The following CNTN5 variants were observed in gnomAD, a reference collection of about 807,000 sequenced individuals.
The protein encoded by CNTN5 is contactin 5.
Under a neutral mutation model 129.1 loss-of-function variants are expected in CNTN5, and 77 were observed. The observed-to-expected ratio is 0.60, with a 90% CI of 0.50 to 0.72. The LOEUF is 0.72. Among genes scored for constraint, CNTN5 ranks in the 30% least tolerant of loss-of-function variants. The probability of loss-of-function intolerance (pLI) is 0.00; values close to 1 mark genes in which losing one functional copy is unlikely to be tolerated. For synonymous variants in CNTN5, 509 were observed against 465.6 expected (o/e 1.09, Z -1.20); for missense variants, 1,478 against 1,328.8 (o/e 1.11, Z -1.75).
chr11:99,128,426 G>C (rs1373353685), intron 1 of CNTN5, among the ~76,000 whole-genome samples: 2 of 151,986 alleles, frequency 1.3e-5, no homozygotes, highest in African/African-American at 4.8e-5. Context: ...CTTCTCACTG[G>C]GCAGGGCCTC....
At chr11:99,755,895 C>A (rs1035788805) in intron 3 of CNTN5, among the ~76,000 whole-genome samples, 8 of 152,024 alleles carry the variant, frequency 5.3e-5, no homozygotes, top group African/African-American at 1.9e-4. Context: ...TGAATAAAAG[C>A]TGGCAAACTC....
Position 99,292,255 on chromosome 11 carries a change from A to AC in CNTN5, c.-209-33091_-209-33090insC, listed in dbSNP as rs533875344. On this transcript the variant is annotated intron_variant, in intron 1 of 24. Coordinates refer to ENST00000524871, the MANE Select transcript of CNTN5 (RefSeq NM_014361.4). ...ATATATATAAAAGCTTACAAAGTTA[A>AC]AAAAAAAACACATAAAAAACTTCCA... Among the ~76,000 whole-genome samples the AC allele has an allele frequency of 3.2e-4, 48 of 150,446 alleles. No individual in the cohort carries two copies. In the South Asian group the frequency reaches 4.8e-3, roughly 15 times the overall value.
chr11:99,884,479 A>C (rs1591362731), intron 6 of CNTN5, among the ~76,000 whole-genome samples: 1 of 152,220 alleles, frequency 6.6e-6, no homozygotes, highest in Non-Finnish European at 1.5e-5. Context: ...TAGAATAGAC[A>C]TTGTTGAAGC....
chr11:99,181,905 C>T (rs898078663), intron 1 of CNTN5, among the ~76,000 whole-genome samples: 4 of 152,004 alleles, frequency 2.6e-5, no homozygotes, highest in African/African-American at 4.8e-5. Context: ...TTGAGCAACC[C>T]GCATCTGAGG....
chr11:99,714,229 G>A (rs598921), intron 3 of CNTN5, among the ~76,000 whole-genome samples: 114,701 of 151,698 alleles, frequency 0.76, 43,668 homozygotes, highest in Middle Eastern at 0.85. Flanking sequence ...TAGCTCTGTA[G>A]TATTTTACCA....
In CNTN5 at chr11:99,233,676, G is replaced by C. The variant is rs182097779; in HGVS notation, c.-209-91670G>C. Among the ~76,000 whole-genome samples the C allele has an allele frequency of 2.6e-3, 403 of 152,216 alleles. 1 individual carries two copies. Among genetic ancestry groups the C allele is most frequent in the Non-Finnish European group, 4.4e-3 (297 of 68,000 alleles). On this transcript the variant is annotated intron_variant, in intron 1 of 24. Transcript: ENST00000524871. ...AAATAATTTGTTTTAGGCCGGATGCGGTGGCTCACGCCTGTAATCCCAGCA... is the reference window on the plus strand; with the variant it reads ...AAATAATTTGTTTTAGGCCGGATGCCGTGGCTCACGCCTGTAATCCCAGCA...
chr11:99,566,362 A>T (rs11220470), intron 3 of CNTN5, among the ~76,000 whole-genome samples: 1 of 152,116 alleles, frequency 6.6e-6, no homozygotes, highest in Non-Finnish European at 1.5e-5. Flanking sequence ...CTGTGAGCCA[A>T]TTAAGCCTCT....
intron 1 of CNTN5, among the ~76,000 whole-genome samples, chr11:99,252,207 C>G (rs964272136): frequency 6.6e-6 from 1 of 151,868 alleles, no homozygotes; most frequent in East Asian, 1.9e-4. Context: ...CTCATCTTTT[C>G]GTATACACCC....
At chr11:99,513,533 G>C (rs1946923965) in intron 2 of CNTN5, among the ~76,000 whole-genome samples, 1 of 152,114 alleles carries the variant, frequency 6.6e-6, no homozygotes, top group Non-Finnish European at 1.5e-5. Context: ...AGCCTCTCTT[G>C]TTAAGGGCTA....
At chr11:99,516,140 A>AG (rs898162733) in intron 2 of CNTN5, among the ~76,000 whole-genome samples, 82 of 151,846 alleles carry the variant, frequency 5.4e-4, no homozygotes, top group Non-Finnish European at 1.0e-3. Flanking sequence ...AATTGTTAAA[A>AG]AAAATGGCTT....
chr11:99,540,156 G>T (rs1317737307), intron 2 of CNTN5, among the ~76,000 whole-genome samples: 2 of 152,110 alleles, frequency 1.3e-5, no homozygotes, highest in Non-Finnish European at 2.9e-5. Flanking sequence ...GATACCTGTA[G>T]AGTAAGAAGC....
At chr11:100,288,971 C>T (rs1185330775) in intron 18 of CNTN5, among the ~76,000 whole-genome samples, 1 of 152,112 alleles carries the variant, frequency 6.6e-6, no homozygotes. Flanking sequence ...TCAGAGAATA[C>T]TACAAACACC....
intron 16 of CNTN5, among the ~76,000 whole-genome samples, chr11:100,249,727 C>G (rs1221134209): frequency 6.6e-6 from 1 of 152,070 alleles, no homozygotes; most frequent in South Asian, 2.1e-4. Context: ...TTAGGAGAAC[C>G]TTTCCTCCCT....
intron 16 of CNTN5, among the ~76,000 whole-genome samples, chr11:100,254,467 C>T (rs1474439435): frequency 6.6e-6 from 1 of 152,108 alleles, no homozygotes; most frequent in African/African-American, 2.4e-5. Context: ...CTCAAGGTTG[C>T]CCTCTAGACC....
intron 1 of CNTN5, among the ~76,000 whole-genome samples, chr11:99,168,494 C>T (rs7122865): frequency 0.67 from 102,026 of 151,802 alleles, 34,679 homozygotes; most frequent in East Asian, 0.94. Flanking sequence ...GCAGGATAAT[C>T]GCTTGAACCC....
chr11:99,533,184 C>T (rs1947779091), intron 2 of CNTN5, among the ~76,000 whole-genome samples: 1 of 152,218 alleles, frequency 6.6e-6, no homozygotes, highest in Admixed American at 6.5e-5. Context: ...GATTGTGCCA[C>T]TGTACTCCAG....
At chr11:99,965,138 G>A (rs184641457) in intron 8 of CNTN5, among the ~76,000 whole-genome samples, 7 of 152,016 alleles carry the variant, frequency 4.6e-5, no homozygotes, top group Non-Finnish European at 1.0e-4. Context: ...TTTTTTGAAC[G>A]GTTTTTTGTG....
chr11:100,292,926 T>C (rs990023966), intron 18 of CNTN5, among the ~76,000 whole-genome samples: 4 of 151,626 alleles, frequency 2.6e-5, no homozygotes, highest in African/African-American at 9.7e-5. Context: ...TTCTGACACC[T>C]ACAAAGGATC....
chr11:99,742,171 G>A (rs542644307), intron 3 of CNTN5, among the ~76,000 whole-genome samples: 2 of 152,252 alleles, frequency 1.3e-5, no homozygotes, highest in South Asian at 2.1e-4. Context: ...GTGTAAAGAC[G>A]GATGGACAGT....
Sources: allele counts gnomAD v4.1 joint callset (sites outside exome capture counted in the v4.1 genomes callset), GRCh38; gene constraint gnomAD v4.1.1; transcripts MANE v1.5; gene names NCBI Gene and HGNC (gene_info 2026-07-23, HGNC 2026-07-21).